TMEM74: variants seen among roughly 807,000 people sequenced by gnomAD.
The protein encoded by TMEM74 is transmembrane protein 74.
A neutral mutation model predicts 18.1 loss-of-function variants in TMEM74; 13 were observed. The observed-to-expected ratio is 0.72, with a 90% CI of 0.47 to 1.14. The LOEUF (loss-of-function observed/expected upper bound fraction) is 1.14, where lower values mean the gene tolerates loss of function less well. TMEM74 is among the 50% of genes most tolerant of loss of function. The pLI is 0.00. For missense variants in TMEM74, 372 were observed against 375.9 expected (o/e 0.99, Z 0.09); for synonymous variants, 159 against 146.6 (o/e 1.08, Z -0.61).
At chr8:108,667,477 C>G (rs187552314) in intron 1 of TMEM74, among the ~76,000 whole-genome samples, 71 of 152,180 alleles carry the variant, frequency 4.7e-4, no homozygotes, top group Non-Finnish European at 6.8e-4. Flanking sequence ...GAAATAAAAA[C>G]TCCAAAGATA....
downstream of TMEM74, among the ~76,000 whole-genome samples, chr8:108,777,912 C>T (rs1035219808): frequency 3.3e-5 from 5 of 152,174 alleles, no homozygotes; most frequent in Non-Finnish European, 5.9e-5. Context: ...CAAATGTTGG[C>T]TTAATCTCCT....
intron 2 of TMEM74, among the ~76,000 whole-genome samples, chr8:108,620,189 C>A (rs575926860): frequency 6.6e-6 from 1 of 152,258 alleles, no homozygotes; most frequent in South Asian, 2.1e-4. Flanking sequence ...TGTTTATTTT[C>A]ATCTACATTT....
intron 2 of TMEM74, among the ~76,000 whole-genome samples, chr8:108,637,955 T>C (rs1812623717): frequency 1.3e-5 from 2 of 152,150 alleles, no homozygotes. Flanking sequence ...AGAAAATTTT[T>C]TGGTGTTCTC....
At chr8:108,696,366 A>G (rs1813281546) in intron 1 of TMEM74, among the ~76,000 whole-genome samples, 1 of 152,236 alleles carries the variant, frequency 6.6e-6, no homozygotes, top group Non-Finnish European at 1.5e-5. Flanking sequence ...AAACTTGTTC[A>G]AAGGGTAGTG....
chr8:108,680,164 TATGAGGCTAGCATC>T (rs1395569140), intron 1 of TMEM74, among the ~76,000 whole-genome samples: 3 of 152,208 alleles, frequency 2.0e-5, no homozygotes, highest in Non-Finnish European at 4.4e-5. Context: ...TAACTCATTT[TATGAGGCTAGCATC>T]ATCCTGATAC....
intron 1 of TMEM74, among the ~76,000 whole-genome samples, chr8:108,718,893 T>C (rs1044526971): frequency 6.6e-6 from 1 of 151,804 alleles, no homozygotes; most frequent in African/African-American, 2.4e-5. Context: ...AAAAAAGCAA[T>C]AAAGAGATAA....
intron 1 of TMEM74, among the ~76,000 whole-genome samples, chr8:108,767,631 A>G (rs1182131253): frequency 6.6e-6 from 1 of 152,132 alleles, no homozygotes; most frequent in Non-Finnish European, 1.5e-5. Context: ...CATTTTTATC[A>G]AATACTTTGT....
rs201756199 is a variant in TMEM74 at position 108,714,714 on chromosome 8, A to G, written n.120-59277T>C. On this transcript the variant is annotated intron_variant and non_coding_transcript_variant, in intron 1 of 3. Coordinates refer to the TMEM74 transcript ENST00000518838. The stretch of plus-strand genomic sequence containing the variant: ...GGAAACAAATCATTCTACCAAAAAG[A>G]CACATGAACTTGCATGTTCATTGCA... Among the ~76,000 whole-genome samples, 5 of 152,230 alleles carry G rather than the reference A, an allele frequency of 3.3e-5. No individual in the cohort carries two copies. In the East Asian group the frequency reaches 9.6e-4, roughly 29 times the overall value.
At chr8:108,746,620 C>T (rs1171817424) in intron 1 of TMEM74, among the ~76,000 whole-genome samples, 1 of 152,066 alleles carries the variant, frequency 6.6e-6, no homozygotes, top group African/African-American at 2.4e-5. Flanking sequence ...CTTTTATGTG[C>T]TTATAAGATG....
chr8:108,738,005 A>G (rs987033479), intron 1 of TMEM74, among the ~76,000 whole-genome samples: 3 of 152,088 alleles, frequency 2.0e-5, no homozygotes, highest in Admixed American at 6.5e-5. Context: ...ATTTTCATAA[A>G]CTACTCTGGT....
intron 1 of TMEM74, among the ~76,000 whole-genome samples, chr8:108,728,143 T>G (rs1316202353): frequency 6.6e-6 from 1 of 151,990 alleles, no homozygotes; most frequent in East Asian, 1.9e-4. Context: ...TTTTAAGGAG[T>G]TTTGCTGCAA....
chr8:108,732,570 T>C (rs1304978700), intron 1 of TMEM74, among the ~76,000 whole-genome samples: 4 of 151,912 alleles, frequency 2.6e-5, no homozygotes, highest in African/African-American at 9.7e-5. Flanking sequence ...AATCTAGAAA[T>C]AGACTCACAT....
intron 1 of TMEM74, among the ~76,000 whole-genome samples, chr8:108,746,803 T>C (rs1215832365): frequency 6.6e-6 from 1 of 152,072 alleles, no homozygotes; most frequent in Non-Finnish European, 1.5e-5. Context: ...CAATGAAATC[T>C]CAAAAGGACA....
chr8:108,617,813 G>A (rs1812400597), intron 2 of TMEM74, among the ~76,000 whole-genome samples: 1 of 152,046 alleles, frequency 6.6e-6, no homozygotes, highest in Non-Finnish European at 1.5e-5. Flanking sequence ...TGAGAATTCA[G>A]CCTTGGGACT....
intron 1 of TMEM74, among the ~76,000 whole-genome samples, chr8:108,739,865 G>A (rs1357760784): frequency 2.6e-5 from 4 of 152,078 alleles, no homozygotes; most frequent in African/African-American, 9.7e-5. Context: ...AAGTCCGGCG[G>A]AGTCAAAGGA....
chr8:108,655,740 A>G (rs1812815124), intron 1 of TMEM74, among the ~76,000 whole-genome samples: 1 of 151,606 alleles, frequency 6.6e-6, no homozygotes, highest in South Asian at 2.1e-4. Context: ...CTTTCCTGCC[A>G]CAGCTGGTTA....
chr8:108,724,669 A>C (rs1379412897), intron 1 of TMEM74, among the ~76,000 whole-genome samples: 1 of 152,198 alleles, frequency 6.6e-6, no homozygotes, highest in Admixed American at 6.5e-5. Flanking sequence ...AGAACAAGTT[A>C]AAATTGCTTA....
intron 1 of TMEM74, among the ~76,000 whole-genome samples, chr8:108,680,651 G>C (rs1017606160): frequency 3.3e-5 from 5 of 152,188 alleles, no homozygotes; most frequent in African/African-American, 1.2e-4. Context: ...ACATAGTGTT[G>C]GAAGTTCTGG....
chr8:108,768,026 A>G (rs759817962), intron 1 of TMEM74, among the ~76,000 whole-genome samples: 1 of 152,138 alleles, frequency 6.6e-6, no homozygotes, highest in Non-Finnish European at 1.5e-5. Flanking sequence ...CTGGATCCCA[A>G]TTTTGGGCTG....
Sources: gnomAD v4.1 joint callset for allele counts (sites outside exome capture counted in the v4.1 genomes callset) on GRCh38, gnomAD v4.1.1 for gene constraint, MANE v1.5 for transcripts, NCBI Gene and HGNC (gene_info 2026-07-23, HGNC 2026-07-21) for gene names.